Variants in CHD1 observed in about 807,000 individuals in gnomAD.
CHD1 encodes the protein ATP-dependent chromatin remodeler CHD1.
In CHD1, 36 loss-of-function variants were observed where a neutral mutation model predicts 224.2. The observed-to-expected ratio is 0.16, with a 90% confidence interval of 0.12 to 0.21. The LOEUF is 0.21. CHD1 is among the 10% of genes least tolerant of loss of function. The probability of loss-of-function intolerance (pLI) is 1.00; values close to 1 mark genes in which losing one functional copy is unlikely to be tolerated. For synonymous variants in CHD1, 668 were observed against 658.3 expected (o/e 1.01, Z -0.23); for missense variants, 1,378 against 1,994.8 (o/e 0.69, Z 5.89).
At chr5:98,920,614 C>T (rs1355976419) in intron 2 of CHD1, among the ~76,000 whole-genome samples, 1 of 151,982 alleles carries the variant, frequency 6.6e-6, no homozygotes, top group Non-Finnish European at 1.5e-5. Flanking sequence ...CTGACCAACA[C>T]AGAGAAACCC....
chr5:98,910,701 C>T (rs1752333140), intron 2 of CHD1, among the ~76,000 whole-genome samples: 2 of 152,018 alleles, frequency 1.3e-5, no homozygotes, highest in Non-Finnish European at 1.5e-5. Context: ...ACATATTTTA[C>T]ACTCTTAAAT....
chr5:98,905,007 T>C lies in CHD1; in HGVS notation c.145A>G (p.Ser49Gly), dbSNP rs763970246. 4 of 1,549,498 alleles carry C rather than the reference T, an allele frequency of 2.6e-6. No individual in the cohort carries two copies. The highest frequency in any genetic ancestry group is 4.5e-5 in the East Asian group (2 of 44,550). Residue 49 changes from serine to glycine, a missense_variant, in exon 3 of 36, where the codon AGC becomes GGC. This residue lies in a region of CHD1 where 306 missense variants were observed against 298.1 expected (regional missense o/e 1.03). Coordinates refer to ENST00000614616, the MANE Select transcript of CHD1 (RefSeq NM_001270.4). ...TCAGATCCGGAGTCAGAGTCACTGC[T>C]ACCTGACTGGCTACTGCTTCCATCA... Reference protein sequence around the residue: ...SSDGSSSQSGSSDSDSGSESG... With the variant: ...SSDGSSSQSGGSDSDSGSESG...
intron 32 of CHD1, chr5:98,860,766 T>G (rs1334546882): frequency 3.3e-5 from 5 of 152,326 alleles, no homozygotes; most frequent in Non-Finnish European, 5.9e-5. Flanking sequence ...CCTAGAAGAT[T>G]CAAATATACA....
intron 31 of CHD1, among the ~76,000 whole-genome samples, chr5:98,864,159 GACAT>G (rs1162337438): frequency 1.3e-5 from 2 of 152,068 alleles, no homozygotes; most frequent in African/African-American, 4.8e-5. Flanking sequence ...ATAAAAGGAT[GACAT>G]ATTAAGAATT....
At chr5:98,926,109 ATATT>A (rs1203604628) in intron 2 of CHD1, among the ~76,000 whole-genome samples, 2 of 152,180 alleles carry the variant, frequency 1.3e-5, no homozygotes, top group Non-Finnish European at 2.9e-5. Flanking sequence ...AAAACTTTCT[ATATT>A]TAAGATCTAC....
intron 31 of CHD1, among the ~76,000 whole-genome samples, chr5:98,866,206 T>C (rs1321281990): frequency 6.6e-6 from 1 of 151,802 alleles, no homozygotes; most frequent in Non-Finnish European, 1.5e-5. Context: ...GAGATAAAAA[T>C]AAAAGTCCAG....
chr5:98,912,883 A>G (rs1169719311), intron 2 of CHD1, among the ~76,000 whole-genome samples: 1 of 151,992 alleles, frequency 6.6e-6, no homozygotes, highest in Non-Finnish European at 1.5e-5. Context: ...GCACATAAAG[A>G]TTTTCTTTCT....
intron 22 of CHD1, among the ~76,000 whole-genome samples, chr5:98,880,827 C>A (rs80032117): frequency 0.014 from 2,187 of 152,258 alleles, 25 homozygotes; most frequent in Non-Finnish European, 0.022. Context: ...ATGCTATTTG[C>A]CAAACACTAT....
At chr5:98,902,537 G>A (rs183385064) in intron 5 of CHD1, among the ~76,000 whole-genome samples, 2 of 151,908 alleles carry the variant, frequency 1.3e-5, no homozygotes, top group Non-Finnish European at 2.9e-5. Flanking sequence ...GAATAGTAAG[G>A]ATAGCTATTA....
chr5:98,875,736 C>G (rs1470357334), intron 24 of CHD1, among the ~76,000 whole-genome samples: 2 of 151,992 alleles, frequency 1.3e-5, no homozygotes, highest in African/African-American at 4.8e-5. Flanking sequence ...TTTGTCAGGT[C>G]TAAGATTTTA....
At chr5:98,921,749 G>A (rs961855701) in intron 2 of CHD1, among the ~76,000 whole-genome samples, 1 of 152,166 alleles carries the variant, frequency 6.6e-6, no homozygotes, top group African/African-American at 2.4e-5. Flanking sequence ...CACACATTAT[G>A]ACTACATACA....
chr5:98,883,540 C>T (rs922100878), intron 18 of CHD1, among the ~76,000 whole-genome samples: 16 of 151,878 alleles, frequency 1.1e-4, no homozygotes, highest in Admixed American at 2.0e-4. Context: ...CTATGGAAAA[C>T]AGCGTGGAAA....
rs376566244 is a variant in CHD1 at position 98,928,806 on chromosome 5, T to TCGC, written c.-419_-417dup. The TCGC allele has an allele frequency of 5.6e-3, 897 of 159,342 alleles. 13 individuals are homozygous for TCGC. Among genetic ancestry groups the TCGC allele is most frequent in the African/African-American group, 0.018 (744 of 41,284 alleles). 9.9% of individuals were successfully genotyped at this position (159,342 alleles called of 1,614,324 possible). On this transcript the variant is annotated 5_prime_UTR_variant, in exon 1 of 36. Coordinates refer to ENST00000614616, the MANE Select transcript of CHD1 (RefSeq NM_001270.4). ...AGCAAGAGCTATAAGTAACCAGTCGTCGCCGCCGCCGCCGCCGCCGTCGCG... is the reference window on the plus strand; with the variant it reads ...AGCAAGAGCTATAAGTAACCAGTCGTCGCCGCCGCCGCCGCCGCCGCCGTCGCG...
At chr5:98,910,825 T>G (rs536141774) in intron 2 of CHD1, among the ~76,000 whole-genome samples, 1 of 152,184 alleles carries the variant, frequency 6.6e-6, no homozygotes, top group African/African-American at 2.4e-5. Context: ...CATCGTTTCA[T>G]GTGCCTCAAG....
chr5:98,915,154 T>C (rs11953096), intron 2 of CHD1, among the ~76,000 whole-genome samples: 18,685 of 152,150 alleles, frequency 0.12, 1,797 homozygotes, highest in African/African-American at 0.27. Context: ...TTTGATGAAA[T>C]AGTACAAATA....
chr5:98,917,252 T>C (rs1752788262), intron 2 of CHD1, among the ~76,000 whole-genome samples: 1 of 145,314 alleles, frequency 6.9e-6, no homozygotes, highest in Admixed American at 7.1e-5. Context: ...ATACGTGAAA[T>C]TTAAGATTAT....
Position 98,885,586 on chromosome 5 carries a change from C to A in CHD1, c.2560G>T (p.Gly854Ter). ...AAAGCACTAATACATACCTCTGATC[C>A]CTCAGCATTAAAATGATCTAGAGCT... is the stretch of plus-strand genomic sequence containing the variant. ...KQALDHFNAE[G>*]SEDFCFLLST... Residue 854 changes from glycine to a stop codon, truncating the protein, a stop_gained, in exon 18 of 36, where the codon GGA becomes TGA. Transcript: ENST00000614616. LOFTEE classifies it high-confidence loss of function. 1 of 1,592,318 alleles carries A rather than the reference C, an allele frequency of 6.3e-7. No individual in the cohort carries two copies. Among genetic ancestry groups the A allele is most frequent in the Non-Finnish European group, 8.6e-7 (1 of 1,163,816 alleles).
chr5:98,907,636 T>C (rs1171798023), intron 2 of CHD1, among the ~76,000 whole-genome samples: 2 of 150,908 alleles, frequency 1.3e-5, no homozygotes, highest in African/African-American at 2.4e-5. Flanking sequence ...TCTTATTTAC[T>C]GCTATAGAAT....
intron 12 of CHD1, among the ~76,000 whole-genome samples, chr5:98,895,610 G>A (rs1056566995): frequency 7.9e-5 from 12 of 151,472 alleles, no homozygotes; most frequent in Non-Finnish European, 1.5e-4. Context: ...AAAATTAGCC[G>A]GGCCTGGTGG....
Sources: allele counts gnomAD v4.1 joint callset (sites outside exome capture counted in the v4.1 genomes callset), GRCh38; gene constraint gnomAD v4.1.1; regional missense constraint gnomAD v4.1.1; transcripts MANE v1.5; gene names NCBI Gene and HGNC (gene_info 2026-07-23, HGNC 2026-07-21).